APBA2: variants seen among roughly 807,000 people sequenced by gnomAD.
APBA2 encodes the protein amyloid beta precursor protein binding family A member 2.
In APBA2, 30 loss-of-function variants were observed where a neutral mutation model predicts 75.0. The observed-to-expected ratio is 0.40, with a 90% confidence interval of 0.30 to 0.54. The LOEUF (loss-of-function observed/expected upper bound fraction) is 0.54. APBA2 is among the 20% of genes least tolerant of loss of function. The pLI is 0.49. For missense variants in APBA2, 801 were observed against 1,016.1 expected, an observed-to-expected ratio of 0.79 and a Z score of 2.88; for synonymous variants, 444 against 409.6, an observed-to-expected ratio of 1.08 and a Z score of -1.01.
At chr15:29,065,889 G>C (rs1259078619) in intron 4 of APBA2, among the ~76,000 whole-genome samples, 1 of 152,220 alleles carries the variant, frequency 6.6e-6, no homozygotes, top group Non-Finnish European at 1.5e-5. Flanking sequence ...TGCCTGGTCT[G>C]CTGTGGGTGC....
intron 2 of APBA2, among the ~76,000 whole-genome samples, chr15:28,939,950 AGT>A (rs1345529710): frequency 3.9e-5 from 6 of 152,216 alleles, no homozygotes; most frequent in African/African-American, 1.4e-4. Context: ...GGGCAAGTGT[AGT>A]GTACGTGGCT....
At chr15:29,078,982 A>G (rs1042793499) in intron 6 of APBA2, among the ~76,000 whole-genome samples, 4 of 152,308 alleles carry the variant, frequency 2.6e-5, no homozygotes, top group South Asian at 4.2e-4. Flanking sequence ...TCTCCAGGCA[A>G]CATTGCTTAT....
At chr15:29,114,059 C>T (rs769699931) in intron 14 of APBA2, 43 bp downstream of exon 14, 34 of 1,612,992 alleles carry the variant, frequency 2.1e-5, no homozygotes, top group Middle Eastern at 1.6e-4. Flanking sequence ...CCGGTTCCCA[C>T]GTGCTCCCGC....
Position 29,098,498 on chromosome 15 carries a change from G to C in APBA2, c.1260G>C (p.Glu420Asp). ...AAKIKKKANS[E>D]GDAQTLTEVD... ...TCCACTGTCCTTCTTAGAATTCTGA[G>C]GGGGATGCCCAGACGCTGACGGAAG... Residue 420 changes from glutamate to aspartate, a missense_variant, in exon 9 of 15, where the codon GAG becomes GAC. Coordinates refer to ENST00000683413, the MANE Select transcript of APBA2 (RefSeq NM_001353788.2). The C allele has an allele frequency of 6.2e-7, 1 of 1,613,908 alleles. No homozygotes were observed. Among genetic ancestry groups the C allele is most frequent in the Non-Finnish European group, 8.5e-7 (1 of 1,179,776 alleles).
chr15:29,090,624 GC>G (rs1266061894), intron 6 of APBA2, among the ~76,000 whole-genome samples: 1 of 152,190 alleles, frequency 6.6e-6, no homozygotes, highest in Non-Finnish European at 1.5e-5. Context: ...CCAAGGCCCT[GC>G]TCACCTGCTG....
rs758525004 is a variant in APBA2 at position 29,093,173 on chromosome 15, A to G, written c.1168A>G (p.Lys390Glu). 1 of 1,614,298 alleles carries G rather than the reference A, an allele frequency of 6.2e-7. No individual in the cohort carries two copies. Among genetic ancestry groups the G allele is most frequent in the Non-Finnish European group, 8.5e-7 (1 of 1,180,058 alleles). ...TQLLSERNPS[K>E]NIRMMQAQEA... ...GCTGCTATCAGAACGGAACCCTTCC[A>G]AAAACATCAGAATGATGCAAGCGCA... The change falls in exon 7 of 15, where the codon AAA becomes GAA. Residue 390 changes from lysine (K) to glutamate (E), a missense_variant. Physicochemically the swap from Lys to Glu is moderately conservative, Grantham distance 56 (BLOSUM62 1). Transcript: ENST00000683413.
At chr15:28,935,482 T>C (rs2034809362) in intron 2 of APBA2, among the ~76,000 whole-genome samples, 1 of 152,124 alleles carries the variant, frequency 6.6e-6, no homozygotes, top group African/African-American at 2.4e-5. Flanking sequence ...CCTCTGGAAA[T>C]GGACAGTGGC....
chr15:29,103,016 G>A (rs1331824777), intron 10 of APBA2, among the ~76,000 whole-genome samples: 1 of 152,212 alleles, frequency 6.6e-6, no homozygotes, highest in Non-Finnish European at 1.5e-5. Context: ...CATTTCAACA[G>A]CGCACTCACA....
intron 1 of APBA2, among the ~76,000 whole-genome samples, chr15:28,920,358 T>C (rs1277714459): frequency 1.3e-5 from 2 of 152,136 alleles, no homozygotes; most frequent in Non-Finnish European, 1.5e-5. Context: ...AAGGAAGCCA[T>C]GGGCAGGGTC....
intron 1 of APBA2, among the ~76,000 whole-genome samples, chr15:28,886,552 C>A (rs937158032): frequency 1.3e-5 from 2 of 149,924 alleles, no homozygotes; most frequent in African/African-American, 5.0e-5. Context: ...CTCTCGCATC[C>A]CGCGCGGGGG....
At chr15:28,890,423 G>C (rs532038430) in intron 1 of APBA2, among the ~76,000 whole-genome samples, 1 of 152,178 alleles carries the variant, frequency 6.6e-6, no homozygotes, top group African/African-American at 2.4e-5. Flanking sequence ...GCACCCCCAC[G>C]CCCAGATTCC....
intron 2 of APBA2, among the ~76,000 whole-genome samples, chr15:28,931,713 A>G (rs548046774): frequency 7.2e-5 from 11 of 152,248 alleles, no homozygotes; most frequent in African/African-American, 2.6e-4. Flanking sequence ...GGCAGTACCT[A>G]AGGGTTAATT....
At chr15:28,924,701 G>A (rs545513405) in intron 2 of APBA2, among the ~76,000 whole-genome samples, 2 of 152,270 alleles carry the variant, frequency 1.3e-5, no homozygotes, top group Non-Finnish European at 2.9e-5. Flanking sequence ...TTGACTGTCA[G>A]GAATAATGCA....
At chr15:28,896,045 T>G (rs1254412176) in intron 1 of APBA2, among the ~76,000 whole-genome samples, 4 of 152,032 alleles carry the variant, frequency 2.6e-5, no homozygotes, top group Non-Finnish European at 5.9e-5. Flanking sequence ...CCCAGGAAGT[T>G]GAGGCTGCAG....
At chr15:29,088,694 G>C (rs2043408537) in intron 6 of APBA2, among the ~76,000 whole-genome samples, 2 of 152,062 alleles carry the variant, frequency 1.3e-5, no homozygotes, top group African/African-American at 4.8e-5. Context: ...CTGCCCCTCT[G>C]CCAGAGTTCA....
intron 4 of APBA2, among the ~76,000 whole-genome samples, chr15:29,059,953 G>A (rs987552306): frequency 2.0e-5 from 3 of 152,130 alleles, no homozygotes; most frequent in African/African-American, 7.2e-5. Flanking sequence ...TCCCAAACAT[G>A]GTGTATCAGC....
intron 3 of APBA2, among the ~76,000 whole-genome samples, chr15:29,010,554 G>T (rs1217708762): frequency 2.6e-5 from 4 of 152,108 alleles, no homozygotes; most frequent in African/African-American, 9.7e-5. Flanking sequence ...CACCACACCC[G>T]GCCGGGAGTT....
chr15:29,098,560 T>C lies in APBA2; in HGVS notation c.1322T>C (p.Leu441Ser), dbSNP rs1225053791. The part of the protein sequence containing the change: ...LFISTQRIKV[L>S]NADTQETMMD... ...ATTTCCACCCAGAGGATCAAGGTTT[T>C]AAATGCAGACACGCAGGTAAGCGTT... Residue 441 changes from leucine to serine, a missense_variant, in exon 9 of 15, where the codon TTA becomes TCA. Leu to Ser is a moderately radical substitution (Grantham distance 145, BLOSUM62 -2). Transcript: ENST00000683413. The C allele has an allele frequency of 1.9e-6, 3 of 1,613,818 alleles. No homozygotes were observed. The highest frequency in any genetic ancestry group is 2.5e-6 in the Non-Finnish European group (3 of 1,179,818).
intron 12 of APBA2, 96 bp downstream of exon 12, chr15:29,106,915 T>C: frequency 1.7e-6 from 2 of 1,202,416 alleles, no homozygotes; most frequent in Non-Finnish European, 2.4e-6. Context: ...CAATCCCCAC[T>C]TCACCCATGG....
Sources: allele counts gnomAD v4.1 joint callset (sites outside exome capture counted in the v4.1 genomes callset), GRCh38; gene constraint gnomAD v4.1.1; transcripts MANE v1.5; gene names NCBI Gene and HGNC (gene_info 2026-07-23, HGNC 2026-07-21).